TNRC6C: variants seen among roughly 807,000 people sequenced by gnomAD.
TNRC6C encodes trinucleotide repeat containing adaptor 6C.
In TNRC6C, 20 loss-of-function variants were observed where a neutral mutation model predicts 153.7. The ratio of observed to expected loss-of-function variants is 0.13; its 90% CI spans 0.09 to 0.19. The LOEUF (loss-of-function observed/expected upper bound fraction) is 0.19. TNRC6C is among the 10% of genes least tolerant of loss of function. The pLI is 1.00. For missense variants in TNRC6C, 1,987 were observed against 2,172.0 expected, an observed-to-expected ratio of 0.91 and a Z score of 1.69; for synonymous variants, 811 against 841.4, an observed-to-expected ratio of 0.96 and a Z score of 0.63.
intron 1 of TNRC6C, among the ~76,000 whole-genome samples, chr17:78,006,551 T>TCCTTCTTCCTTCTTC (rs376467730): frequency 1.1e-5 from 1 of 94,994 alleles, no homozygotes; most frequent in African/African-American, 4.8e-5. Flanking sequence ...TTCTTCTTCT[T>TCCTTCTTCCTTCTTC]CTTCTTCTTC....
chr17:78,034,846 G>A (rs959110020), intron 2 of TNRC6C, among the ~76,000 whole-genome samples: 4 of 152,158 alleles, frequency 2.6e-5, no homozygotes, highest in African/African-American at 9.7e-5. Context: ...GCATGTGCCT[G>A]TGGTCCCAGC....
upstream of TNRC6C, chr17:78,004,252 G>A: frequency 1.6e-6 from 2 of 1,231,734 alleles, no homozygotes; most frequent in Non-Finnish European, 2.0e-6. Context: ...GAAAAAGAAG[G>A]AAGGTGCTCA....
At chr17:78,096,113 G>C (rs114413374) in intron 16 of TNRC6C, among the ~76,000 whole-genome samples, 27 of 152,312 alleles carry the variant, frequency 1.8e-4, no homozygotes, top group African/African-American at 6.3e-4. Context: ...GCACGGCCGA[G>C]CTGACACCCT....
intron 1 of TNRC6C, among the ~76,000 whole-genome samples, chr17:77,972,052 A>C (rs865783455): frequency 1.3e-5 from 2 of 152,150 alleles, no homozygotes; most frequent in African/African-American, 4.8e-5. Flanking sequence ...AACAAACAAA[A>C]AAAAAGTAGA....
rs375719377 is a variant in TNRC6C, at chr17:78,102,652, G to C, written c.4572+108G>C. 1.5e-5 allele frequency: 18 copies of C among 1,188,216 alleles called. No individual in the cohort carries two copies. In the African/African-American group the frequency reaches 2.1e-4, roughly 14 times the overall value. The allele number at this position is 1,188,216 out of a possible 1,614,324, so 73.6% of individuals were successfully genotyped here. On this transcript the variant is annotated intron_variant, in intron 18 of 19. Coordinates refer to ENST00000301624, the Ensembl canonical transcript of TNRC6C. ...TGGGGCAGGATAGTTGGGGGTTCTT[G>C]GTCAGGGTCCATAAGTGACGCTGCA...
chr17:78,075,485 T>G lies in TNRC6C; in HGVS notation c.3060+207T>G. 1 of 630,712 alleles carries G rather than the reference T, an allele frequency of 1.6e-6. No homozygotes were observed. Among genetic ancestry groups the G allele is most frequent in the Non-Finnish European group, 2.6e-6 (1 of 387,596 alleles). 39.1% of individuals were successfully genotyped at this position (630,712 alleles called of 1,614,324 possible). On this transcript the variant is annotated intron_variant, in intron 8 of 19. Coordinates refer to ENST00000301624, the Ensembl canonical transcript of TNRC6C. This position sits in a 1 kb window ranked among gnomAD's most constrained non-coding sequence, Gnocchi z 4.2. ...AGATGTTACTGAGAATGAAAAAGAC[T>G]GGGATTGAAAACTGATTTTCATATT...
At chr17:78,070,185 A>G (rs1312989089) in intron 5 of TNRC6C, among the ~76,000 whole-genome samples, 1 of 152,192 alleles carries the variant, frequency 6.6e-6, no homozygotes, top group Middle Eastern at 3.2e-3. Flanking sequence ...CTGGCAAATA[A>G]TCCAGTTAAT....
chr17:78,093,835 AG>A, intron 16 of TNRC6C, 72 bp downstream of exon 18: 1 of 1,581,534 alleles, frequency 6.3e-7, no homozygotes, highest in Middle Eastern at 1.9e-4. Flanking sequence ...CAGGGGTGAC[AG>A]GTTGGGCTGT....
upstream of TNRC6C, chr17:78,004,977 A>C: frequency 9.3e-7 from 1 of 1,074,450 alleles, no homozygotes; most frequent in Non-Finnish European, 1.2e-6. Flanking sequence ...GTTTGCTTAT[A>C]AACTTTCATA....
intron 1 of TNRC6C, among the ~76,000 whole-genome samples, chr17:78,030,327 T>C (rs9916796): frequency 0.09 from 13,519 of 149,840 alleles, 1,606 homozygotes; most frequent in African/African-American, 0.28. Context: ...TGTGTGTGCG[T>C]GTGTGTGTGT....
chr17:77,961,344 C>T lies in TNRC6C; in HGVS notation c.-38+2076C>T, dbSNP rs188138823. Among the ~76,000 whole-genome samples, 1,325 of 152,100 alleles carry T rather than the reference C, an allele frequency of 8.7e-3. 13 individuals are homozygous for T. The highest frequency in any genetic ancestry group is 0.038 in the South Asian group (182 of 4,816). On this transcript the variant is annotated intron_variant, in intron 1 of 22. Transcript: ENST00000636222. ...CTAATTTTTGTATTTTTAGTAGAGA[C>T]GGGGTTTTGCCATGTTGGCCAGGCT...
rs936706866 is a variant in TNRC6C, at chr17:78,079,863, C to T, written c.3357+322C>T. Among the ~76,000 whole-genome samples, 4 of 152,002 alleles carry T rather than the reference C, an allele frequency of 2.6e-5. No homozygotes were observed. The highest frequency in any genetic ancestry group is 5.9e-5 in the Non-Finnish European group (4 of 68,006). ...ACACTCCCATTGATGTGCTTTTGTC[C>T]CAGTCTTTGTCGAGAAAATTATTCA... On this transcript the variant is annotated intron_variant, in intron 10 of 19. Coordinates refer to ENST00000301624, the Ensembl canonical transcript of TNRC6C. This position sits in a 1 kb window ranked among gnomAD's most constrained non-coding sequence, Gnocchi z 4.3.
rs544919957 is a variant in TNRC6C at position 78,069,562 on chromosome 17, A to T, written c.2779-1523A>T. Among the ~76,000 whole-genome samples the T allele has an allele frequency of 2.0e-5, 3 of 151,966 alleles. No homozygotes were observed. The East Asian group carries it at 5.8e-4, about 29-fold the overall frequency. On this transcript the variant is annotated intron_variant, in intron 5 of 19. Coordinates refer to ENST00000301624, the Ensembl canonical transcript of TNRC6C. ...CTCTGCCCAACTAATTTTATTTTTT[A>T]TTTTTTCTGTAGAGACAGAGTCTCA...
intron 12 of TNRC6C, 103 bp downstream of exon 14, chr17:78,086,689 C>T: frequency 1.3e-6 from 2 of 1,556,732 alleles, no homozygotes; most frequent in South Asian, 2.3e-5. Context: ...TTTCTCTAGC[C>T]AAGCCTTCCT....
At chr17:78,073,579 A>G (rs141586160) in intron 7 of TNRC6C, among the ~76,000 whole-genome samples, 58 of 152,318 alleles carry the variant, frequency 3.8e-4, no homozygotes, top group African/African-American at 1.3e-3. Context: ...ATTTACATTT[A>G]AATATAGTCG....
intron 1 of TNRC6C, among the ~76,000 whole-genome samples, chr17:78,019,422 A>C (rs919945590): frequency 6.6e-6 from 1 of 152,198 alleles, no homozygotes; most frequent in Non-Finnish European, 1.5e-5. Context: ...AAAAAGCAAA[A>C]TGTGGGAATC....
intron 1 of TNRC6C, among the ~76,000 whole-genome samples, chr17:78,028,493 G>C (rs1037379680): frequency 3.9e-5 from 6 of 152,046 alleles, no homozygotes; most frequent in African/African-American, 1.5e-4. Context: ...AGTAGGGAGA[G>C]TAGACAGTGG....
chr17:78,076,618 G>T (rs1173601232), intron 8 of TNRC6C, among the ~76,000 whole-genome samples: 1 of 152,064 alleles, frequency 6.6e-6, no homozygotes, highest in Non-Finnish European at 1.5e-5. Flanking sequence ...TTAAAATATG[G>T]AATAATGCAC....
chr17:78,079,330 C>G lies in TNRC6C; in HGVS notation c.3211-65C>G. ...TTCACTTGAAATAGATCATTTCACC[C>G]TACCTCCAAACAATGTTACTCTAAT... On this transcript the variant is annotated intron_variant, in intron 9 of 19. Transcript: ENST00000301624. The surrounding 1 kb of genome is among the most constrained non-coding windows in gnomAD (Gnocchi z 4.3). 1 of 1,586,520 alleles carries G rather than the reference C, an allele frequency of 6.3e-7. No individual in the cohort carries two copies. Among genetic ancestry groups the G allele is most frequent in the Non-Finnish European group, 8.6e-7 (1 of 1,159,700 alleles).
Sources: gnomAD v4.1 joint callset for allele counts (sites outside exome capture counted in the v4.1 genomes callset) on GRCh38, gnomAD v4.1.1 for gene constraint, Gnocchi (gnomAD v3.1) non-coding constraint, MANE v1.5 for transcripts, NCBI Gene and HGNC (gene_info 2026-07-23, HGNC 2026-07-21) for gene names.